C2CD2: variants seen among roughly 807,000 people sequenced by gnomAD.
C2CD2 encodes C2 domain-containing protein 2.
In C2CD2, 43 loss-of-function variants were observed where a neutral mutation model predicts 74.3. That is an observed-to-expected ratio of 0.58 (90% CI 0.45 to 0.75). The LOEUF (loss-of-function observed/expected upper bound fraction) is 0.75, where lower values mean the gene tolerates loss of function less well. Ranked by LOEUF, C2CD2 falls within the 30% of genes least tolerant of loss-of-function variation. The pLI, the probability that C2CD2 is intolerant of heterozygous loss-of-function variation, is 0.00. For missense variants in C2CD2, 801 were observed against 916.3 expected, an observed-to-expected ratio of 0.87 and a Z score of 1.63; for synonymous variants, 422 against 390.7, an observed-to-expected ratio of 1.08 and a Z score of -0.94.
chr21:41,942,303 T>G (rs1462666858), intron 1 of C2CD2, 58 bp from the exon 2 acceptor site: 3 of 1,294,772 alleles, frequency 2.3e-6, no homozygotes, highest in African/African-American at 3.0e-5. Flanking sequence ...ATCTTTTAAA[T>G]TACATATCTG....
intron 11 of C2CD2, among the ~76,000 whole-genome samples, chr21:41,904,901 G>C (rs1469580216): frequency 6.7e-6 from 1 of 149,782 alleles, no homozygotes; most frequent in Non-Finnish European, 1.5e-5. Flanking sequence ...AGATTGCGCA[G>C]TGATTTAATG....
At chr21:41,918,458 G>C (rs766134808) in intron 4 of C2CD2, among the ~76,000 whole-genome samples, 3 of 152,214 alleles carry the variant, frequency 2.0e-5, no homozygotes, top group Non-Finnish European at 2.9e-5. Flanking sequence ...GGGAGAGAGG[G>C]CCTGATCGTC....
chr21:41,953,475 C>G lies in C2CD2; in HGVS notation c.174G>C (p.Pro58=), dbSNP rs1265047620. The G allele has an allele frequency of 2.0e-6, 3 of 1,482,462 alleles. No individual in the cohort carries two copies. In the East Asian group the frequency reaches 8.8e-5, roughly 43 times the overall value. The allele number at this position is 1,482,462 out of a possible 1,614,324, so 91.8% of individuals were successfully genotyped here. A position where few individuals can be genotyped will look rare whatever the true frequency, so the allele number is the denominator to read the frequency against. Residue 58 remains proline, a synonymous_variant, in exon 1 of 14, where the codon CCG becomes CCC. Transcript: ENST00000380486. ...RAVEPGEGPR[P]GSDALLSWIL... is the part of the protein sequence containing the mutation. ...TCCAGGAGAGCAGCGCGTCGGACCC[C>G]GGGCGCGGCCCCTCTCCAGGCTCCA...
chr21:41,902,936 TG>T (rs2064916952), intron 11 of C2CD2, among the ~76,000 whole-genome samples: 1 of 152,114 alleles, frequency 6.6e-6, no homozygotes, highest in South Asian at 2.1e-4. Context: ...GTTAGAAGGC[TG>T]GAACTTTCTG....
Position 41,899,859 on chromosome 21 carries a change from G to A in C2CD2, c.1561-497C>T, listed in dbSNP as rs1189808900. 1.3e-5 allele frequency among the ~76,000 whole-genome samples: 2 copies of A among 151,724 alleles called. No homozygotes were observed. Among genetic ancestry groups the A allele is most frequent in the Non-Finnish European group, 1.5e-5 (1 of 67,966 alleles). On this transcript the variant is annotated intron_variant, in intron 12 of 13. Transcript: ENST00000380486. The surrounding 1 kb of genome is among the most constrained non-coding windows in gnomAD (Gnocchi z 4.4). ...ATATTTAAGCACTAAATGAACCTCT[G>A]AGAGTCGGGATAGCGCTTCCTTGGA...
At chr21:41,902,562 G>A (rs542856559) in intron 11 of C2CD2, among the ~76,000 whole-genome samples, 1 of 152,212 alleles carries the variant, frequency 6.6e-6, no homozygotes, top group Admixed American at 6.5e-5. Context: ...GCTGATGCTT[G>A]TAACTTACAC....
intron 7 of C2CD2, 98 bp from the exon 8 acceptor site, chr21:41,909,621 G>C: frequency 1.3e-5 from 11 of 871,436 alleles, no homozygotes; most frequent in East Asian, 2.4e-5. Context: ...GGAAGACAAA[G>C]ATGTCAATAT....
intron 12 of C2CD2, chr21:41,901,341 CCTCT>C (rs1466777182): frequency 4.0e-6 from 2 of 493,980 alleles, no homozygotes; most frequent in Non-Finnish European, 3.7e-6. Flanking sequence ...ACATCATGTT[CCTCT>C]CTTTCGATAA....
chr21:41,888,747 CTT>C lies in C2CD2; in HGVS notation c.*375_*376del, dbSNP rs2146121109. ...GTCCAGGCATGGACCCAAAACAACA[CTT>C]GTTAGTGTAGAATAGGTAAACTAAG... On this transcript the variant is annotated 3_prime_UTR_variant, in exon 14 of 14. Transcript: ENST00000380486. 1 of 242,134 alleles carries C rather than the reference CTT, an allele frequency of 4.1e-6. No homozygotes were observed. The highest frequency in any genetic ancestry group is 8.1e-6 in the Non-Finnish European group (1 of 123,372). The allele number at this position is 242,134 out of a possible 1,614,324, so 15.0% of individuals were successfully genotyped here. A position where few individuals can be genotyped will look rare whatever the true frequency, so the allele number is the denominator to read the frequency against.
chr21:41,904,316 G>T (rs769326926), intron 11 of C2CD2, among the ~76,000 whole-genome samples: 25 of 84,392 alleles, frequency 3.0e-4, no homozygotes, highest in Non-Finnish European at 5.1e-4. Flanking sequence ...TCAGTTCTGA[G>T]AAATCGCCGC....
intron 2 of C2CD2, among the ~76,000 whole-genome samples, chr21:41,922,694 C>T (rs559604115): frequency 5.6e-4 from 84 of 151,330 alleles, no homozygotes; most frequent in African/African-American, 1.9e-3. Flanking sequence ...AGGCCAGTCT[C>T]GAACTCCTGG....
chr21:41,887,527 T>A lies in C2CD2; in HGVS notation c.*1597A>T, dbSNP rs966677051. 3 of 152,012 alleles carry A rather than the reference T, an allele frequency of 2.0e-5. No homozygotes were observed. The highest frequency in any genetic ancestry group is 7.2e-5 in the African/African-American group (3 of 41,440). 9.4% of individuals were successfully genotyped at this position (152,012 alleles called of 1,614,324 possible). A position where few individuals can be genotyped will look rare whatever the true frequency, so the allele number is the denominator to read the frequency against. ...GAAAAAAATCCTATAATTTTGGTTT[T>A]CATATAGGTTTTTACTAAAAAAGAA... is the stretch of plus-strand genomic sequence containing the variant. On this transcript the variant is annotated 3_prime_UTR_variant, in exon 14 of 14. Coordinates refer to ENST00000380486, the MANE Select transcript of C2CD2 (RefSeq NM_015500.2).
chr21:41,889,396 G>C (rs1433413494), intron 13 of C2CD2, 52 bp from the exon 14 acceptor site: 1 of 1,244,940 alleles, frequency 8.0e-7, no homozygotes, highest in Non-Finnish European at 1.2e-6. Context: ...ATGAGGGGCT[G>C]AATGACTGGT....
At chr21:41,936,110 C>T (rs564338) in intron 2 of C2CD2, among the ~76,000 whole-genome samples, 43,142 of 151,624 alleles carry the variant, frequency 0.28, 6,787 homozygotes, top group Non-Finnish European at 0.35. Context: ...TGGGACTGCA[C>T]CAAAACTAAA....
chr21:41,912,984 G>A (rs1001378062), intron 6 of C2CD2, among the ~76,000 whole-genome samples: 1 of 152,228 alleles, frequency 6.6e-6, no homozygotes, highest in Non-Finnish European at 1.5e-5. Flanking sequence ...GCCAAGGGCT[G>A]TTGACCCCAA....
At chr21:41,931,100 T>G (rs1474335571) in intron 2 of C2CD2, among the ~76,000 whole-genome samples, 2 of 150,576 alleles carry the variant, frequency 1.3e-5, no homozygotes, top group African/African-American at 4.8e-5. Context: ...GAGAAATAAA[T>G]GCACTCGGTG....
rs898458468 is a variant in C2CD2, at chr21:41,899,893, A to G, written c.1561-531T>C. Among the ~76,000 whole-genome samples the G allele has an allele frequency of 7.3e-6, 1 of 136,798 alleles. No homozygotes were observed. The highest frequency in any genetic ancestry group is 2.8e-5 in the African/African-American group (1 of 36,076). 89.7% of individuals were successfully genotyped at this position (136,798 alleles called of 152,430 possible). ...GATAGCGCTTCCTTGGAGGGGGGAA[A>G]GTTTGGGGAGGAGGGCACGGGGGCT... On this transcript the variant is annotated intron_variant, in intron 12 of 13. Coordinates refer to ENST00000380486, the MANE Select transcript of C2CD2 (RefSeq NM_015500.2). The surrounding 1 kb of genome is among the most constrained non-coding windows in gnomAD (Gnocchi z 4.4).
chr21:41,936,546 A>T (rs1159990930), intron 2 of C2CD2, among the ~76,000 whole-genome samples: 1 of 152,210 alleles, frequency 6.6e-6, no homozygotes, highest in Non-Finnish European at 1.5e-5. Context: ...TCCTTTAAAA[A>T]TTAAACAGAG....
At position 41,899,431 on chromosome 21, in the gene C2CD2, A is replaced by C; in HGVS notation, c.1561-69T>G. 8 of 1,392,080 alleles carry C rather than the reference A, an allele frequency of 5.7e-6. No individual in the cohort carries two copies. Among genetic ancestry groups the C allele is most frequent in the African/African-American group, 1.4e-5 (1 of 70,842 alleles). 86.2% of individuals were successfully genotyped at this position (1,392,080 alleles called of 1,614,324 possible). On this transcript the variant is annotated intron_variant, in intron 12 of 13. Transcript: ENST00000380486. The surrounding 1 kb of genome is among the most constrained non-coding windows in gnomAD (Gnocchi z 4.4). Reference sequence around the variant, plus strand: ...AAGGGAGGGTTTGAAAAGAACTGAAAAGCACTCTCCAAAACATTCTGACAG... The same window carrying C: ...AAGGGAGGGTTTGAAAAGAACTGAACAGCACTCTCCAAAACATTCTGACAG...
Sources: allele counts gnomAD v4.1 joint callset (sites outside exome capture counted in the v4.1 genomes callset), GRCh38; gene constraint gnomAD v4.1.1; non-coding constraint Gnocchi (gnomAD v3.1); transcripts MANE v1.5; gene names NCBI Gene and HGNC (gene_info 2026-07-23, HGNC 2026-07-21).